Variants in SHANK2 observed in about 807,000 individuals in gnomAD.
SHANK2 encodes SH3 and multiple ankyrin repeat domains protein 2.
In SHANK2, 43 loss-of-function variants were observed where a neutral mutation model predicts 133.7. The ratio of observed to expected loss-of-function variants is 0.32; its 90% CI spans 0.25 to 0.41. SHANK2 has a LOEUF of 0.41. SHANK2 is among the 10% of genes least tolerant of loss of function. SHANK2 has a pLI of 1.00. For missense variants in SHANK2, 1,994 were observed against 2,235.8 expected (o/e 0.89, Z 2.18); for synonymous variants, 1,017 against 952.8 (o/e 1.07, Z -1.24).
chr11:70,489,616 A>G (rs782529711), intron 23 of SHANK2: 246 of 539,478 alleles, frequency 4.6e-4, no homozygotes, highest in Admixed American at 1.5e-3. Flanking sequence ...TGCCTCCACA[A>G]CTCTCACAGG....
chr11:70,502,043 G>A, intron 19 of SHANK2, 112 bp from the exon 20 acceptor site: 1 of 1,351,932 alleles, frequency 7.4e-7, no homozygotes, highest in Non-Finnish European at 1.0e-6. Context: ...GCACACATGG[G>A]GCTGCGGGGC....
At chr11:70,493,538 GTGTT>G (rs2058928070) in intron 21 of SHANK2, among the ~76,000 whole-genome samples, 1 of 151,454 alleles carries the variant, frequency 6.6e-6, no homozygotes, top group Admixed American at 6.6e-5. Context: ...TCATCTCAGG[GTGTT>G]TGGGATCAGG....
At chr11:70,522,033 C>T (rs982934599) in intron 17 of SHANK2, among the ~76,000 whole-genome samples, 4 of 152,232 alleles carry the variant, frequency 2.6e-5, no homozygotes, top group Non-Finnish European at 4.4e-5. Context: ...CTGGCTCTAA[C>T]GGTTTCTTAT....
At chr11:70,544,238 GC>G (rs1449502819) in intron 17 of SHANK2, among the ~76,000 whole-genome samples, 1 of 152,144 alleles carries the variant, frequency 6.6e-6, no homozygotes, top group African/African-American at 2.4e-5. Context: ...AACCTCTCCA[GC>G]CCCGGCCTGC....
intron 2 of SHANK2, among the ~76,000 whole-genome samples, chr11:71,208,128 C>T (rs529252366): frequency 3.3e-5 from 5 of 152,270 alleles, no homozygotes; most frequent in East Asian, 1.9e-4. Flanking sequence ...TACTTAAACC[C>T]GAGGAGGGGC....
In SHANK2 at chr11:70,537,045, G is replaced by C. The variant is rs2059552978; in HGVS notation, c.2062-34114C>G. Among the ~76,000 whole-genome samples the C allele has an allele frequency of 2.6e-5, 4 of 152,226 alleles. No homozygotes were observed. The South Asian group carries it at 8.3e-4, about 32-fold the overall frequency. On this transcript the variant is annotated intron_variant, in intron 17 of 25. Coordinates refer to ENST00000601538, the MANE Select transcript of SHANK2 (RefSeq NM_012309.5). The stretch of plus-strand genomic sequence containing the variant: ...GAAGAGGGTTCCCCAGATGAGGCTG[G>C]GGAGGGGTGGGGGCACGGTCTGCCC...
chr11:70,537,571 C>G (rs2059561824), intron 17 of SHANK2, among the ~76,000 whole-genome samples: 1 of 152,202 alleles, frequency 6.6e-6, no homozygotes, highest in Non-Finnish European at 1.5e-5. Flanking sequence ...TGGCACGGGG[C>G]CCTGCCACAC....
intron 17 of SHANK2, among the ~76,000 whole-genome samples, chr11:70,553,361 G>A (rs782715101): frequency 7.9e-5 from 12 of 152,148 alleles, no homozygotes; most frequent in Non-Finnish European, 1.5e-4. Flanking sequence ...CTAAAGTGCT[G>A]GGATTACAGG....
chr11:70,884,861 C>T (rs1949713802), intron 11 of SHANK2, among the ~76,000 whole-genome samples: 1 of 152,150 alleles, frequency 6.6e-6, no homozygotes, highest in Admixed American at 6.6e-5. Flanking sequence ...GCTGGGATTA[C>T]AGGCACGTGC....
chr11:70,783,791 C>T (rs782721622), intron 14 of SHANK2, among the ~76,000 whole-genome samples: 72 of 152,248 alleles, frequency 4.7e-4, no homozygotes, highest in African/African-American at 1.3e-3. Flanking sequence ...GCTTGTTACG[C>T]GCCACACAGA....
chr11:71,113,435 G>A, intron 4 of SHANK2, 71 bp from the exon 5 acceptor site: 1 of 1,397,744 alleles, frequency 7.2e-7, no homozygotes, highest in Non-Finnish European at 9.9e-7. Flanking sequence ...GGGAAAACGG[G>A]CCTTTTCCTT....
At chr11:70,848,403 A>G (rs781922882) in intron 11 of SHANK2, among the ~76,000 whole-genome samples, 2 of 152,188 alleles carry the variant, frequency 1.3e-5, no homozygotes, top group Non-Finnish European at 2.9e-5. Context: ...CCACTTCCCA[A>G]AGTGAGCTCC....
At position 70,631,408 on chromosome 11, in the gene SHANK2, A is replaced by ACACACC. The variant is rs1555002113; in HGVS notation, c.2061+28419_2061+28420insGGTGTG. Among the ~76,000 whole-genome samples the ACACACC allele has an allele frequency of 6.1e-3, 912 of 148,742 alleles. 5 individuals are homozygous for ACACACC. Among genetic ancestry groups the ACACACC allele is most frequent in the South Asian group, 0.026 (122 of 4,638 alleles). ...CACACACACACACACACACACACAC[A>ACACACC]CCCACACAACCTCCCTCCCACCTGC... is the stretch of plus-strand genomic sequence containing the variant. On this transcript the variant is annotated intron_variant, in intron 17 of 25. Transcript: ENST00000601538.
intron 15 of SHANK2, among the ~76,000 whole-genome samples, chr11:70,688,471 C>A (rs1033360832): frequency 6.6e-6 from 1 of 152,230 alleles, no homozygotes; most frequent in Non-Finnish European, 1.5e-5. Flanking sequence ...CCTGGCCCAG[C>A]CAAGCCAGCA....
chr11:71,118,641 T>C (rs1952026874), intron 4 of SHANK2, among the ~76,000 whole-genome samples, 188 bp downstream of exon 4: 1 of 152,098 alleles, frequency 6.6e-6, no homozygotes, highest in Non-Finnish European at 1.5e-5. Context: ...CAATTAGAGG[T>C]GAGATTTCGG....
chr11:70,489,843 A>G, intron 23 of SHANK2: 1 of 279,386 alleles, frequency 3.6e-6, no homozygotes, highest in Non-Finnish European at 6.9e-6. Context: ...ACCTGACCCA[A>G]CCACCCTTGG....
intron 17 of SHANK2, among the ~76,000 whole-genome samples, chr11:70,586,744 G>A (rs117968651): frequency 0.017 from 2,611 of 152,276 alleles, 26 homozygotes; most frequent in Non-Finnish European, 0.025. Context: ...AGGGAAGCAC[G>A]GCTCGCAGCT....
intron 14 of SHANK2, among the ~76,000 whole-genome samples, chr11:70,710,151 G>A (rs1222034850): frequency 2.0e-5 from 3 of 152,112 alleles, no homozygotes; most frequent in Admixed American, 6.5e-5. Context: ...GCTGCTGAGC[G>A]CCTCCTCAGT....
At chr11:70,737,182 C>A (rs1377673802) in intron 14 of SHANK2, among the ~76,000 whole-genome samples, 1 of 152,172 alleles carries the variant, frequency 6.6e-6, no homozygotes, top group Non-Finnish European at 1.5e-5. Flanking sequence ...CTGGGTGCAG[C>A]CCCCCAGGGG....
Sources: allele counts gnomAD v4.1 joint callset (sites outside exome capture counted in the v4.1 genomes callset), GRCh38; gene constraint gnomAD v4.1.1; transcripts MANE v1.5; gene names NCBI Gene and HGNC (gene_info 2026-07-23, HGNC 2026-07-21).